SIRT3: variants seen among roughly 807,000 people sequenced by gnomAD.
The protein encoded by SIRT3 is NAD-dependent protein deacetylase sirtuin-3, mitochondrial.
Under a neutral mutation model 33.5 loss-of-function variants are expected in SIRT3, and 26 were observed. The observed-to-expected ratio is 0.78, with a 90% CI of 0.57 to 1.08. The LOEUF is 1.08. Ranked by LOEUF, SIRT3 falls within the 50% of genes least tolerant of loss-of-function variation. The pLI is 0.00. For missense variants in SIRT3, 585 were observed against 530.1 expected (o/e 1.10, Z -1.02); for synonymous variants, 237 against 222.1 (o/e 1.07, Z -0.60).
In SIRT3 at chr11:223,628, C is replaced by T; in HGVS notation, c.969+450G>A. ...ACCTCGCCCCCACACCCCCATCCTT[C>T]TCCCTTCTCCTCACACGTGGTGCCC... On this transcript the variant is annotated intron_variant, in intron 5 of 6. Transcript: ENST00000382743. This position sits in a 1 kb window ranked among gnomAD's most constrained non-coding sequence, Gnocchi z 4.8. 1 of 435,934 alleles carries T rather than the reference C, an allele frequency of 2.3e-6. No homozygotes were observed. The highest frequency in any genetic ancestry group is 4.4e-6 in the Non-Finnish European group (1 of 229,006). The allele number at this position is 435,934 out of a possible 1,614,324, so 27.0% of individuals were successfully genotyped here.
upstream of SIRT3, chr11:236,523 G>C (rs1277678967): frequency 1.1e-5 from 2 of 175,088 alleles, no homozygotes; most frequent in Admixed American, 6.6e-5. Context: ...GGTAGACGTA[G>C]AGGCGAGTAG....
intron 3 of SIRT3, among the ~76,000 whole-genome samples, chr11:232,606 T>C (rs1247410036): frequency 6.6e-6 from 1 of 152,156 alleles, no homozygotes; most frequent in Non-Finnish European, 1.5e-5. Flanking sequence ...GACGGTTCGT[T>C]ACATTGCTCT....
At chr11:230,088 C>T (rs190423497) in intron 4 of SIRT3, among the ~76,000 whole-genome samples, 17 of 152,146 alleles carry the variant, frequency 1.1e-4, no homozygotes, top group Non-Finnish European at 1.6e-4. Flanking sequence ...TGGCTCACGC[C>T]TGTAATCCCA....
At chr11:236,358 C>G (rs1224676933), upstream of SIRT3, 2 of 1,181,222 alleles carry the variant, frequency 1.7e-6, no homozygotes, top group Middle Eastern at 3.2e-4. Context: ...GTCCTCCGGA[C>G]TCGCCCCGCC....
At position 236,299 on chromosome 11, in the gene SIRT3, T is replaced by C; in HGVS notation, c.30A>G (p.Ala10=). 1 of 1,525,318 alleles carries C rather than the reference T, an allele frequency of 6.6e-7. No individual in the cohort carries two copies. Among genetic ancestry groups the C allele is most frequent in the African/African-American group, 1.4e-5 (1 of 71,326 alleles). The allele number at this position is 1,525,318 out of a possible 1,614,324, so 94.5% of individuals were successfully genotyped here. A position where few individuals can be genotyped will look rare whatever the true frequency, so the allele number is the denominator to read the frequency against. ...CTACCCGGCCCCACAGCCGGAGGGC[T>C]GCCGCGGCGCGCCAACCCCAGAACG... MAFWGWRAA[A]ALRLWGRVVE... Residue 10 remains alanine (A), a synonymous_variant, in exon 1 of 7, where the codon GCA becomes GCG. Transcript: ENST00000382743.
chr11:228,400 C>G (rs1442674775), intron 4 of SIRT3, among the ~76,000 whole-genome samples: 1 of 152,166 alleles, frequency 6.6e-6, no homozygotes, highest in Non-Finnish European at 1.5e-5. Context: ...GCTACAGTAA[C>G]CAAAACATTA....
chr11:217,693 G>A (rs1475709276), intron 6 of SIRT3, among the ~76,000 whole-genome samples: 1 of 152,232 alleles, frequency 6.6e-6, no homozygotes, highest in Non-Finnish European at 1.5e-5. Flanking sequence ...CTGACCCCAT[G>A]GCCCTGAGCC....
At chr11:219,220 G>A (rs748945617) in intron 5 of SIRT3, among the ~76,000 whole-genome samples, 179 bp from the exon 6 acceptor site, 27 of 152,164 alleles carry the variant, frequency 1.8e-4, no homozygotes, top group Non-Finnish European at 2.2e-4. Flanking sequence ...CTTGGCCTCC[G>A]TGACGGTTTT....
In SIRT3 at chr11:218,731, A is replaced by G. The variant is rs745326154; in HGVS notation, c.1179+101T>C. ...AGGATTCACAGCATCATCAGCTATT[A>G]CTGTTACTGTGTTAACCAACGGGGC... On this transcript the variant is annotated intron_variant, in intron 6 of 6. Coordinates refer to ENST00000382743, the MANE Select transcript of SIRT3 (RefSeq NM_012239.6). The G allele has an allele frequency of 3.2e-6, 5 of 1,573,076 alleles. No individual in the cohort carries two copies. In the Admixed American group the frequency reaches 8.8e-5, roughly 28 times the overall value.
chr11:236,396 C>T (rs1484559117), upstream of SIRT3: 8 of 1,091,358 alleles, frequency 7.3e-6, no homozygotes, highest in East Asian at 3.0e-4. Context: ...GCCTCCGCCT[C>T]CCACCCCCGC....
At chr11:224,278 C>A (rs771172787) in intron 4 of SIRT3, 39 bp from the exon 5 acceptor site, 1 of 1,594,224 alleles carries the variant, frequency 6.3e-7, no homozygotes, top group Non-Finnish European at 8.5e-7. Flanking sequence ...AAGATGCCTG[C>A]AACACCCTGT....
intron 4 of SIRT3, 29 bp downstream of exon 4, chr11:230,423 G>A (rs371993309): frequency 2.2e-6 from 3 of 1,351,606 alleles, no homozygotes; most frequent in African/African-American, 3.0e-5. Flanking sequence ...GCAAACTGCA[G>A]AAGGACAACC....
Position 233,392 on chromosome 11 carries a change from C to T in SIRT3, c.424G>A (p.Val142Ile), listed in dbSNP as rs768928974. The T allele has an allele frequency of 6.2e-7, 1 of 1,614,012 alleles. No homozygotes were observed. The highest frequency in any genetic ancestry group is 2.2e-5 in the East Asian group (1 of 44,872). The change falls in exon 2 of 7, where the codon GTC becomes ATC. Residue 142 changes from valine to isoleucine, a missense_variant. Transcript: ENST00000382743. ...GTGCTGATGCCGGCCCCCACCATGACCACCACCCTCTGGCAGGCTCTGGCC... is the reference window on the plus strand; with the variant it reads ...GTGCTGATGCCGGCCCCCACCATGATCACCACCCTCTGGCAGGCTCTGGCC... ...IRARACQRVV[V>I]MVGAGISTPS...
intron 5 of SIRT3, among the ~76,000 whole-genome samples, chr11:219,856 T>C (rs1223892454): frequency 6.6e-6 from 1 of 152,186 alleles, no homozygotes; most frequent in Non-Finnish European, 1.5e-5. Flanking sequence ...ATGTAAATAC[T>C]ATTATCTCGG....
chr11:221,332 A>G (rs1373211770), intron 5 of SIRT3, among the ~76,000 whole-genome samples: 1 of 152,222 alleles, frequency 6.6e-6, no homozygotes, highest in Non-Finnish European at 1.5e-5. Context: ...GCTGGTCTCA[A>G]ATGCCTAGCT....
chr11:233,311 G>A lies in SIRT3; in HGVS notation c.473+32C>T, dbSNP rs1330899400. The stretch of plus-strand genomic sequence containing the variant: ...GGAGGGCAGGAGTCAGGGGAGGGGA[G>A]CGCAGAAGGCAGGTGGGACTGTGGG... On this transcript the variant is annotated intron_variant, in intron 2 of 6. Coordinates refer to ENST00000382743, the MANE Select transcript of SIRT3 (RefSeq NM_012239.6). 5 of 1,605,086 alleles carry A rather than the reference G, an allele frequency of 3.1e-6. No individual in the cohort carries two copies. The Admixed American group carries it at 6.7e-5, about 22-fold the overall frequency.
chr11:235,452 G>C (rs1462387366), intron 1 of SIRT3, among the ~76,000 whole-genome samples: 1 of 152,174 alleles, frequency 6.6e-6, no homozygotes, highest in Admixed American at 6.5e-5. Context: ...AGCGATCCCC[G>C]TCTCAGCCTC....
In SIRT3 at chr11:223,598, C is replaced by T. The variant is rs950499842; in HGVS notation, c.969+480G>A. ...CTGATCTGACCTGGGAGGCCCTGCC[C>T]CTCCACCTCGCCCCCACACCCCCAT... On this transcript the variant is annotated intron_variant, in intron 5 of 6. Coordinates refer to ENST00000382743, the MANE Select transcript of SIRT3 (RefSeq NM_012239.6). The surrounding 1 kb of genome is among the most constrained non-coding windows in gnomAD (Gnocchi z 4.8). 4 of 449,438 alleles carry T rather than the reference C, an allele frequency of 8.9e-6. No individual in the cohort carries two copies. The Admixed American group carries it at 1.0e-4, about 11-fold the overall frequency. The allele number at this position is 449,438 out of a possible 1,614,324, so 27.8% of individuals were successfully genotyped here. A position where few individuals can be genotyped will look rare whatever the true frequency, so the allele number is the denominator to read the frequency against.
rs750639090 is a variant in SIRT3, at chr11:218,876, A to G, written c.1135T>C (p.Trp379Arg). 52 of 1,614,030 alleles carry G rather than the reference A, an allele frequency of 3.2e-5. No homozygotes were observed. Among genetic ancestry groups the G allele is most frequent in the Non-Finnish European group, 4.2e-5 (49 of 1,180,038 alleles). The change falls in exon 6 of 7, where the codon TGG (tryptophan) becomes CGG (arginine). Residue 379 changes from tryptophan (W) to arginine (R), a missense_variant. Trp to Arg is a moderately radical substitution (Grantham distance 101, BLOSUM62 -3). Coordinates refer to ENST00000382743, the MANE Select transcript of SIRT3 (RefSeq NM_012239.6). Reference protein sequence around the residue: ...GVESLVELLGWTEEMRDLVQR... With the variant: ...GVESLVELLGRTEEMRDLVQR... ...ACAAGGTCCCGCATCTCTTCTGTCC[A>G]GCCCAGAAGCTCCACTAGGCTTTCC...
Sources: allele counts gnomAD v4.1 joint callset (sites outside exome capture counted in the v4.1 genomes callset), GRCh38; gene constraint gnomAD v4.1.1; non-coding constraint Gnocchi (gnomAD v3.1); transcripts MANE v1.5; gene names NCBI Gene and HGNC (gene_info 2026-07-23, HGNC 2026-07-21).